Variants in TLCD4 observed in about 807,000 individuals in gnomAD.
TLCD4 encodes TLC domain-containing protein 4.
In TLCD4, 7 loss-of-function variants were observed where a neutral mutation model predicts 24.2. The ratio of observed to expected loss-of-function variants is 0.29; its 90% CI spans 0.16 to 0.54. The LOEUF (loss-of-function observed/expected upper bound fraction) is 0.54, where lower values mean the gene tolerates loss of function less well. Ranked by LOEUF, TLCD4 falls within the 20% of genes least tolerant of loss-of-function variation. The pLI, the probability that TLCD4 is intolerant of heterozygous loss-of-function variation, is 0.95. For missense variants in TLCD4, 259 were observed against 313.9 expected, an observed-to-expected ratio of 0.82 and a Z score of 1.32; for synonymous variants, 103 against 106.4, an observed-to-expected ratio of 0.97 and a Z score of 0.20.
intron 2 of TLCD4, among the ~76,000 whole-genome samples, chr1:95,147,198 C>T (rs1045740875): frequency 4.6e-5 from 7 of 151,762 alleles, no homozygotes; most frequent in African/African-American, 1.2e-4. Flanking sequence ...CTCAGCCTCC[C>T]GAGTAGCTGG....
At chr1:95,174,519 A>AG (rs1392421571) in intron 6 of TLCD4, among the ~76,000 whole-genome samples, 29 of 124,172 alleles carry the variant, frequency 2.3e-4, no homozygotes, top group African/African-American at 1.1e-3. Context: ...AAAAAAAAAA[A>AG]AAAAAAAGAA....
Position 95,173,855 on chromosome 1 carries a change from C to T in TLCD4, c.439C>T (p.Leu147Phe). The T allele has an allele frequency of 6.2e-7, 1 of 1,614,128 alleles. No homozygotes were observed. Among genetic ancestry groups the T allele is most frequent in the Non-Finnish European group, 8.5e-7 (1 of 1,180,010 alleles). ...GGCATACATTGGGAATTTTCGCCTG[C>T]TTGCAGAGCTTTCCAGCCCGTTTGT... ...VLAYIGNFRL[L>F]AELSSPFVNQ... The change falls in exon 6 of 7, where the codon CTT becomes TTT. Residue 147 changes from leucine (L) to phenylalanine (F), a missense_variant. Transcript: ENST00000370203.
upstream of TLCD4, among the ~76,000 whole-genome samples, chr1:95,115,693 T>G (rs149202367): frequency 2.4e-4 from 36 of 152,318 alleles, 1 homozygote; most frequent in East Asian, 6.9e-3. Context: ...TGGATTTCTG[T>G]GGGTTTACCT....
chr1:95,124,398 C>T (rs767210221), intron 1 of TLCD4, among the ~76,000 whole-genome samples: 6 of 152,064 alleles, frequency 3.9e-5, no homozygotes, highest in Non-Finnish European at 8.8e-5. Flanking sequence ...TTCCAGAAGG[C>T]GAGAAAAATT....
the TLCD4 span, among the ~76,000 whole-genome samples, chr1:95,101,672 A>C: frequency 6.6e-6 from 1 of 152,104 alleles, no homozygotes; most frequent in Non-Finnish European, 1.5e-5. Flanking sequence ...ATTCTGTTGC[A>C]GGTGGTGTGA....
At position 95,143,968 on chromosome 1, in the gene TLCD4, T is replaced by G. The variant is rs945419861; in HGVS notation, c.67T>G (p.Phe23Val). The G allele has an allele frequency of 7.0e-6, 11 of 1,576,134 alleles. No individual in the cohort carries two copies. Among genetic ancestry groups the G allele is most frequent in the Non-Finnish European group, 9.5e-6 (11 of 1,162,138 alleles). Residue 23 changes from phenylalanine to valine, a missense_variant, in exon 2 of 7, where the codon TTC becomes GTC. Coordinates refer to ENST00000370203, the MANE Select transcript of TLCD4 (RefSeq NM_152487.3). ...CAGCTTTTTCACCTTTCAGCTTCTT[T>G]TCTACTTTGTAAGTTACTGGTTTTC... ...CISFFTFQLL[F>V]YFVSYWFSAK...
At chr1:95,127,189 C>T (rs999158602) in intron 1 of TLCD4, among the ~76,000 whole-genome samples, 2 of 152,176 alleles carry the variant, frequency 1.3e-5, no homozygotes, top group Non-Finnish European at 2.9e-5. Flanking sequence ...TCCAGCTGAG[C>T]GGCATTCATC....
intron 3 of TLCD4, among the ~76,000 whole-genome samples, chr1:95,149,215 G>A (rs1677428263): frequency 1.3e-5 from 2 of 152,176 alleles, no homozygotes; most frequent in Non-Finnish European, 2.9e-5. Context: ...GTTACAGATG[G>A]CCATGTGATA....
intron 5 of TLCD4, among the ~76,000 whole-genome samples, chr1:95,160,963 C>CT (rs1014537549): frequency 1.1e-4 from 16 of 151,992 alleles, no homozygotes; most frequent in Middle Eastern, 3.4e-3. Context: ...CTAAAATTCT[C>CT]TTTTTTTTGT....
intron 5 of TLCD4, among the ~76,000 whole-genome samples, chr1:95,152,211 A>G (rs943781421): frequency 5.3e-5 from 8 of 152,114 alleles, no homozygotes; most frequent in African/African-American, 1.9e-4. Context: ...AACAGATGCT[A>G]TAAGGATCCT....
intron 1 of TLCD4, among the ~76,000 whole-genome samples, chr1:95,124,822 A>G (rs1343422551): frequency 2.0e-5 from 3 of 151,518 alleles, no homozygotes; most frequent in Admixed American, 1.3e-4. Flanking sequence ...TAATAGAACT[A>G]TAGCACTGGC....
At chr1:95,172,738 T>C (rs545084919) in intron 5 of TLCD4, among the ~76,000 whole-genome samples, 1 of 152,332 alleles carries the variant, frequency 6.6e-6, no homozygotes, top group South Asian at 2.1e-4. Flanking sequence ...CCACCTATTA[T>C]TTTTTTAATG....
At chr1:95,140,746 G>A (rs1399589071) in intron 1 of TLCD4, 2 of 152,200 alleles carry the variant, frequency 1.3e-5, no homozygotes, top group African/African-American at 4.8e-5. Context: ...ATATGAAGTA[G>A]GTGTGCTTTT....
At chr1:95,184,481 T>C (rs1678762729) in intron 6 of TLCD4, among the ~76,000 whole-genome samples, 3 of 152,150 alleles carry the variant, frequency 2.0e-5, no homozygotes, top group African/African-American at 7.2e-5. Context: ...GTACGATACC[T>C]CTACACAATT....
Position 95,150,198 on chromosome 1 carries a change from T to C in TLCD4, c.246-10T>C. 1 of 1,604,756 alleles carries C rather than the reference T, an allele frequency of 6.2e-7. No homozygotes were observed. The highest frequency in any genetic ancestry group is 8.5e-7 in the Non-Finnish European group (1 of 1,178,516). On this transcript the variant is annotated splice_polypyrimidine_tract_variant and intron_variant, in intron 3 of 6. Transcript: ENST00000370203. ...ATATACTTTAAAAAGGAACCTTTTT[T>C]TTTTTTCAGGGGTGGTCCATCACTT... is the stretch of plus-strand genomic sequence containing the variant.
the TLCD4 span, among the ~76,000 whole-genome samples, chr1:95,105,520 G>T: frequency 6.6e-6 from 1 of 152,172 alleles, no homozygotes; most frequent in Non-Finnish European, 1.5e-5. Flanking sequence ...GATTTTGGAT[G>T]AATATATTAC....
At chr1:95,094,518 A>G in the TLCD4 span, among the ~76,000 whole-genome samples, 1 of 152,186 alleles carries the variant, frequency 6.6e-6, no homozygotes, top group Non-Finnish European at 1.5e-5. Flanking sequence ...CTCTTGTACC[A>G]TAATTATTGA....
At chr1:95,159,646 A>G (rs1359675672) in intron 5 of TLCD4, among the ~76,000 whole-genome samples, 1 of 152,194 alleles carries the variant, frequency 6.6e-6, no homozygotes, top group Non-Finnish European at 1.5e-5. Context: ...TAGGTCTAAC[A>G]TTTAAGTCTT....
In TLCD4 at chr1:95,173,596, G is replaced by A. The variant is rs113431487; in HGVS notation, c.400-220G>A. ...ACACTGTATACATAAGTGAACATAA[G>A]TGTATAATTTACTGTTTTTTAAAAA... is the stretch of plus-strand genomic sequence containing the variant. On this transcript the variant is annotated intron_variant, in intron 5 of 6. Transcript: ENST00000370203. Among the ~76,000 whole-genome samples the A allele has an allele frequency of 5.0e-4, 76 of 152,204 alleles. 2 individuals are homozygous for A. The highest frequency in any genetic ancestry group is 1.3e-4 in the Non-Finnish European group (9 of 68,040).
Sources: gnomAD v4.1 joint callset for allele counts (sites outside exome capture counted in the v4.1 genomes callset) on GRCh38, gnomAD v4.1.1 for gene constraint, MANE v1.5 for transcripts, NCBI Gene and HGNC (gene_info 2026-07-23, HGNC 2026-07-21) for gene names.